Variants in PLEKHG6 observed in about 807,000 individuals in gnomAD.
PLEKHG6 encodes pleckstrin homology and RhoGEF domain containing G6.
Under a neutral mutation model 97.5 loss-of-function variants are expected in PLEKHG6, and 91 were observed. That is an observed-to-expected ratio of 0.93 (90% confidence interval 0.79 to 1.11). PLEKHG6 has a LOEUF of 1.11. Ranked by LOEUF, PLEKHG6 falls within the 50% of genes most tolerant of loss-of-function variation. PLEKHG6 has a pLI of 0.00. For synonymous variants in PLEKHG6, 466 were observed against 425.5 expected (o/e 1.10, Z -1.17); for missense variants, 1,044 against 1,031.0 (o/e 1.01, Z -0.17).
intron 3 of PLEKHG6, among the ~76,000 whole-genome samples, chr12:6,314,632 C>T (rs1947389038): frequency 1.3e-5 from 2 of 152,180 alleles, no homozygotes; most frequent in Non-Finnish European, 2.9e-5. Flanking sequence ...TTCTGATTCA[C>T]TTGAAGGTCC....
intron 9 of PLEKHG6, 80 bp downstream of exon 9, chr12:6,317,776 T>A: frequency 6.4e-7 from 1 of 1,563,480 alleles, no homozygotes; most frequent in Non-Finnish European, 8.7e-7. Flanking sequence ...TCTGTGACAG[T>A]GTGGCGCTGT....
chr12:6,315,987 C>T lies in PLEKHG6; in HGVS notation c.606+68C>T. ...CTGAGCCTGGGGATGAGGGTGGGCC[C>T]TCCAGCCATCCCTGTCTGAATTCCC... On this transcript the variant is annotated intron_variant, in intron 6 of 15. Coordinates refer to ENST00000684764, the MANE Select transcript of PLEKHG6 (RefSeq NM_001384598.1). The surrounding 1 kb of genome is among the most constrained non-coding windows in gnomAD (Gnocchi z 4.5). 2.6e-5 allele frequency: 36 copies of T among 1,378,156 alleles called. No individual in the cohort carries two copies. The highest frequency in any genetic ancestry group is 3.5e-5 in the Non-Finnish European group (35 of 1,002,260). 85.4% of individuals were successfully genotyped at this position (1,378,156 alleles called of 1,614,324 possible).
Position 6,313,781 on chromosome 12 carries a change from C to T in PLEKHG6, c.291C>T (p.Leu97=). The change falls in exon 3 of 16, where the codon CTC becomes CTT. Residue 97 remains leucine, a synonymous_variant. Transcript: ENST00000684764. ...VGAGLLHSPK[L]KELTKAHELE... is the part of the protein sequence containing the mutation. ...CTGGCCTGCTTCACTCCCCCAAACT[C>T]AAGGTAAGGGGGTCCCTCTCCTCCC... is the stretch of plus-strand genomic sequence containing the variant. 1 of 1,577,340 alleles carries T rather than the reference C, an allele frequency of 6.3e-7. No individual in the cohort carries two copies. The highest frequency in any genetic ancestry group is 8.6e-7 in the Non-Finnish European group (1 of 1,161,922).
At chr12:6,323,772 G>A (rs1223068037) in intron 13 of PLEKHG6, among the ~76,000 whole-genome samples, 2 of 152,232 alleles carry the variant, frequency 1.3e-5, no homozygotes, top group Non-Finnish European at 1.5e-5. Flanking sequence ...CAAGTGGCCA[G>A]GCACAAGGCC....
chr12:6,328,188 T>A lies in PLEKHG6; in HGVS notation c.*43T>A. 6.3e-7 allele frequency: 1 copy of A among 1,599,292 alleles called. No homozygotes were observed. Among genetic ancestry groups the A allele is most frequent in the Non-Finnish European group, 8.6e-7 (1 of 1,166,882 alleles). ...TGGCATGCATCTCTCCCAGAGGAGA[T>A]CTCTCCCCAGTAGTGCTGGTCACCC... On this transcript the variant is annotated 3_prime_UTR_variant, in exon 16 of 16. Coordinates refer to ENST00000684764, the MANE Select transcript of PLEKHG6 (RefSeq NM_001384598.1).
intron 13 of PLEKHG6, chr12:6,319,455 A>T (rs12828469): frequency 0.57 from 739,758 of 1,290,636 alleles, 224,717 homozygotes; most frequent in Non-Finnish European, 0.63. Flanking sequence ...AGAAGAAGGA[A>T]AAAAAAAAGA....
Position 6,318,426 on chromosome 12 carries a change from G to C in PLEKHG6, c.1275+6G>C. 1 of 1,603,548 alleles carries C rather than the reference G, an allele frequency of 6.2e-7. No individual in the cohort carries two copies. Among genetic ancestry groups the C allele is most frequent in the Non-Finnish European group, 8.5e-7 (1 of 1,175,458 alleles). On this transcript the variant is annotated splice_donor_region_variant and intron_variant, in intron 11 of 15. Transcript: ENST00000684764. ...AGGAGGGACGAGAAGGGAAGGTGAGGGTGCTGCGGACAGAGTGGAGGGGAT... is the reference window on the plus strand; with the variant it reads ...AGGAGGGACGAGAAGGGAAGGTGAGCGTGCTGCGGACAGAGTGGAGGGGAT...
At chr12:6,312,602 C>T (rs1312377757) in intron 2 of PLEKHG6, 69 of 1,303,320 alleles carry the variant, frequency 5.3e-5, no homozygotes, top group Middle Eastern at 2.8e-4. Flanking sequence ...CCAGGCCCTC[C>T]GAGGAGTGCT....
intron 14 of PLEKHG6, among the ~76,000 whole-genome samples, chr12:6,327,000 A>G (rs1947881273): frequency 6.6e-6 from 1 of 152,204 alleles, no homozygotes; most frequent in South Asian, 2.1e-4. Flanking sequence ...GGAACCACTC[A>G]GCAAAAACCT....
chr12:6,320,098 C>T (rs967549507), intron 13 of PLEKHG6, among the ~76,000 whole-genome samples: 6 of 152,044 alleles, frequency 3.9e-5, no homozygotes, highest in African/African-American at 1.4e-4. Flanking sequence ...ATTGGTATTG[C>T]TACAGTATCA....
chr12:6,318,199 T>C (rs1947556943), intron 10 of PLEKHG6, 102 bp from the exon 11 acceptor site: 4 of 1,567,222 alleles, frequency 2.6e-6, no homozygotes, highest in Non-Finnish European at 2.6e-6. Context: ...GGGGGAAGGA[T>C]ACAAACAGAA....
chr12:6,323,190 C>T (rs1196263692), intron 13 of PLEKHG6, among the ~76,000 whole-genome samples: 1 of 152,208 alleles, frequency 6.6e-6, no homozygotes, highest in Non-Finnish European at 1.5e-5. Flanking sequence ...CAACTCAGTC[C>T]CCTGGTAGTC....
chr12:6,318,639 C>T (rs1947580664), intron 11 of PLEKHG6, 106 bp from the exon 12 acceptor site: 7 of 1,320,832 alleles, frequency 5.3e-6, no homozygotes, highest in African/African-American at 2.9e-5. Context: ...TTGGGCTCTG[C>T]GTGTGTCCCT....
At position 6,315,610 on chromosome 12, in the gene PLEKHG6, C is replaced by T. The variant is rs547232908; in HGVS notation, c.516C>T (p.Thr172=). The part of the protein sequence containing the change: ...QQEALWELLT[T]ELIYVRKLKI... Reference sequence around the variant, plus strand: ...AGGCCCTGTGGGAGCTCCTGACCACCGAGCTGATCTACGTGAGAAAGCTCA... The same window carrying T: ...AGGCCCTGTGGGAGCTCCTGACCACTGAGCTGATCTACGTGAGAAAGCTCA... The change falls in exon 5 of 16, where the codon ACC becomes ACT. Residue 172 remains threonine, a synonymous_variant. Transcript: ENST00000684764. This position sits in a 1 kb window ranked among gnomAD's most constrained non-coding sequence, Gnocchi z 4.5. 1.1e-5 allele frequency: 18 copies of T among 1,590,116 alleles called. No homozygotes were observed. Among genetic ancestry groups the T allele is most frequent in the East Asian group, 2.3e-5 (1 of 44,078 alleles).
At chr12:6,317,462 G>A (rs758779029) in intron 8 of PLEKHG6, 49 bp downstream of exon 8, 23 of 1,609,448 alleles carry the variant, frequency 1.4e-5, no homozygotes, top group Admixed American at 6.7e-5. Flanking sequence ...TTAGCCGGCC[G>A]GTCTCCAGCT....
intron 14 of PLEKHG6, 37 bp downstream of exon 14, chr12:6,326,610 G>A: frequency 1.4e-6 from 2 of 1,424,206 alleles, no homozygotes; most frequent in Admixed American, 2.9e-5. Context: ...TCCCCGAGCA[G>A]GAGGAGGGAG....
At chr12:6,324,893 A>G (rs996312004) in intron 13 of PLEKHG6, among the ~76,000 whole-genome samples, 1 of 152,162 alleles carries the variant, frequency 6.6e-6, no homozygotes, top group Non-Finnish European at 1.5e-5. Context: ...TTAGTATAGC[A>G]TGGGCATCAA....
intron 13 of PLEKHG6, 69 bp from the exon 14 acceptor site, chr12:6,326,359 C>A: frequency 9.1e-7 from 1 of 1,103,078 alleles, no homozygotes. Context: ...ACGCACTTAG[C>A]AGGGTGCCTG....
intron 3 of PLEKHG6, 115 bp from the exon 4 acceptor site, chr12:6,314,890 A>T: frequency 1.0e-6 from 1 of 966,042 alleles, no homozygotes; most frequent in Non-Finnish European, 1.6e-6. Flanking sequence ...CCCATTCCAG[A>T]CACAGACACA....
Sources: gnomAD v4.1 joint callset for allele counts (sites outside exome capture counted in the v4.1 genomes callset) on GRCh38, gnomAD v4.1.1 for gene constraint, Gnocchi (gnomAD v3.1) non-coding constraint, MANE v1.5 for transcripts, NCBI Gene and HGNC (gene_info 2026-07-23, HGNC 2026-07-21) for gene names.